Variants in CTNNA2 observed in about 807,000 individuals in gnomAD.
The protein encoded by CTNNA2 is catenin alpha 2.
Under a neutral mutation model 101.0 loss-of-function variants are expected in CTNNA2, and 42 were observed. That is an observed-to-expected ratio of 0.42 (90% confidence interval 0.32 to 0.54). The LOEUF is 0.54. CTNNA2 is among the 20% of genes least tolerant of loss of function. The pLI, the probability that CTNNA2 is intolerant of heterozygous loss-of-function variation, is 0.14. For synonymous variants in CTNNA2, 450 were observed against 456.4 expected (o/e 0.99, Z 0.18); for missense variants, 871 against 1,223.1 (o/e 0.71, Z 4.29).
chr2:80,545,507 C>A (rs567964463), intron 10 of CTNNA2, among the ~76,000 whole-genome samples: 41 of 152,264 alleles, frequency 2.7e-4, no homozygotes, highest in African/African-American at 9.1e-4. Context: ...GATTGTGCCA[C>A]TATACTCTCC....
chr2:79,416,712 C>T (rs576276562), intron 4 of CTNNA2, among the ~76,000 whole-genome samples: 6 of 152,026 alleles, frequency 3.9e-5, no homozygotes, highest in South Asian at 2.1e-4. Flanking sequence ...AACAGTTCCC[C>T]GAGAGCACAG....
At position 80,377,866 on chromosome 2, in the gene CTNNA2, A is replaced by G. The variant is rs989307381; in HGVS notation, c.1057-15345A>G. On this transcript the variant is annotated intron_variant, in intron 7 of 18. Transcript: ENST00000402739. ...TGGAATTTATCTTCCTCGGTCATCT[A>G]TGGTCCCATCTCTCATCTGTGGCCA... Among the ~76,000 whole-genome samples, 5 of 152,182 alleles carry G rather than the reference A, an allele frequency of 3.3e-5. No homozygotes were observed. The East Asian group carries it at 5.8e-4, about 18-fold the overall frequency.
chr2:80,278,085 T>G (rs890567957), intron 7 of CTNNA2, among the ~76,000 whole-genome samples: 4 of 152,138 alleles, frequency 2.6e-5, no homozygotes, highest in Non-Finnish European at 5.9e-5. Context: ...GTGTATACAT[T>G]AATTAACCAC....
chr2:79,909,537 C>T, intron 6 of CTNNA2, 57 bp from the exon 7 acceptor site: 2 of 1,447,318 alleles, frequency 1.4e-6, no homozygotes, highest in Non-Finnish European at 1.9e-6. Context: ...AAACAGGGTG[C>T]CAAGGCAGAC....
At chr2:79,306,690 A>G (rs1314785285) in intron 2 of CTNNA2, among the ~76,000 whole-genome samples, 3 of 152,222 alleles carry the variant, frequency 2.0e-5, no homozygotes, top group Admixed American at 1.3e-4. Flanking sequence ...TGAAATGTGC[A>G]TATTTAATTT....
chr2:80,082,303 G>A (rs559259975), intron 7 of CTNNA2, among the ~76,000 whole-genome samples: 1 of 152,234 alleles, frequency 6.6e-6, no homozygotes, highest in African/African-American at 2.4e-5. Context: ...AACAGACTGA[G>A]GAGGGTCAGT....
intron 1 of CTNNA2, among the ~76,000 whole-genome samples, chr2:79,189,888 G>T (rs1041604250): frequency 5.9e-5 from 9 of 152,094 alleles, no homozygotes; most frequent in African/African-American, 1.9e-4. Flanking sequence ...TTACAATAAA[G>T]AATTTTCTGA....
At position 80,360,286 on chromosome 2, in the gene CTNNA2, C is replaced by T. The variant is rs542578120; in HGVS notation, c.1057-32925C>T. Among the ~76,000 whole-genome samples, 111 of 152,120 alleles carry T rather than the reference C, an allele frequency of 7.3e-4. 1 individual carries two copies. The highest frequency in any genetic ancestry group is 1.2e-3 in the Non-Finnish European group (79 of 67,970). ...CACACAACTGATCAAAACTATTAACCATTTTGATGGATAATTATGACACAC... is the reference window on the plus strand; with the variant it reads ...CACACAACTGATCAAAACTATTAACTATTTTGATGGATAATTATGACACAC... On this transcript the variant is annotated intron_variant, in intron 7 of 18. Transcript: ENST00000402739.
In CTNNA2 at chr2:79,505,183, G is replaced by A. The variant is rs1375432826; in HGVS notation, c.-6+1G>A. 6.6e-6 allele frequency: 1 copy of A among 152,230 alleles called. No homozygotes were observed. The highest frequency in any genetic ancestry group is 1.5e-5 in the Non-Finnish European group (1 of 68,084). 9.4% of individuals were successfully genotyped at this position (152,230 alleles called of 1,614,324 possible). Reference sequence around the variant, plus strand: ...TCCCAGCAGCACAGCCTTAGCACTGGTAAGACATCTCTTCTCTTGTGGTTC... The same window carrying A: ...TCCCAGCAGCACAGCCTTAGCACTGATAAGACATCTCTTCTCTTGTGGTTC... On this transcript the variant is annotated splice_donor_variant, in intron 5 of 21. Coordinates refer to the CTNNA2 transcript ENST00000466387. LOFTEE classifies it low-confidence loss of function (5UTR_SPLICE).
Position 80,486,502 on chromosome 2 carries a change from GA to G in CTNNA2, c.1291-58473del, listed in dbSNP as rs527640759. On this transcript the variant is annotated intron_variant, in intron 9 of 18. Transcript: ENST00000402739. Reference sequence around the variant, plus strand: ...TTCATTATTAAAAATTCAATAATGAGAAAAAAATAAATAAAATGAGAGAAGG... The same window carrying G: ...TTCATTATTAAAAATTCAATAATGAGAAAAAATAAATAAAATGAGAGAAGG... Among the ~76,000 whole-genome samples, 518 of 152,140 alleles carry G rather than the reference GA, an allele frequency of 3.4e-3. 3 individuals are homozygous for G. Among genetic ancestry groups the G allele is most frequent in the African/African-American group, 0.012 (498 of 41,504 alleles).
chr2:79,678,673 C>A lies in CTNNA2; in HGVS notation c.102+27015C>A, dbSNP rs1210723936. 2.0e-5 allele frequency among the ~76,000 whole-genome samples: 3 copies of A among 152,182 alleles called. No individual in the cohort carries two copies. In the East Asian group the frequency reaches 5.8e-4, roughly 29 times the overall value. Reference sequence around the variant, plus strand: ...CATTTTGCCCCAGCTGCAGATCCCTCCCTGTCTGACTGGGCCTATATTAAG... The same window carrying A: ...CATTTTGCCCCAGCTGCAGATCCCTACCTGTCTGACTGGGCCTATATTAAG... On this transcript the variant is annotated intron_variant, in intron 2 of 18. Coordinates refer to ENST00000402739, the MANE Select transcript of CTNNA2 (RefSeq NM_001282597.3).
chr2:80,252,236 C>G (rs1553477063), intron 7 of CTNNA2, among the ~76,000 whole-genome samples: 1 of 152,096 alleles, frequency 6.6e-6, no homozygotes, highest in Non-Finnish European at 1.5e-5. Flanking sequence ...GGAACAGAAC[C>G]TTGCACATAG....
intron 13 of CTNNA2, among the ~76,000 whole-genome samples, chr2:80,581,432 T>C (rs541040625): frequency 1.3e-5 from 2 of 152,300 alleles, no homozygotes; most frequent in South Asian, 4.1e-4. Context: ...TACACAGATA[T>C]CATTTTTCTT....
chr2:79,825,729 T>C (rs1678386378), intron 3 of CTNNA2, among the ~76,000 whole-genome samples: 1 of 152,104 alleles, frequency 6.6e-6, no homozygotes, highest in South Asian at 2.1e-4. Context: ...ATAGATGATA[T>C]TTAAAGTCAT....
chr2:80,589,895 TGTGTGTGTGTGC>T (rs976214867), intron 15 of CTNNA2, among the ~76,000 whole-genome samples: 1 of 146,660 alleles, frequency 6.8e-6, no homozygotes, highest in African/African-American at 2.6e-5. Context: ...TGTGTGTGTG[TGTGTGTGTGTGC>T]GCGCGCGCGC....
At chr2:80,532,817 A>G (rs138322449) in intron 9 of CTNNA2, among the ~76,000 whole-genome samples, 2 of 152,282 alleles carry the variant, frequency 1.3e-5, no homozygotes, top group African/African-American at 4.8e-5. Context: ...AGAAGAAAAT[A>G]TGACCTTAGT....
intron 4 of CTNNA2, among the ~76,000 whole-genome samples, chr2:79,408,106 T>C (rs115904765): frequency 0.024 from 3,630 of 152,084 alleles, 70 homozygotes; most frequent in Middle Eastern, 0.044. Context: ...TCCTACTCTC[T>C]AACCTGGCAT....
At chr2:79,583,359 T>C (rs1676268461) in intron 1 of CTNNA2, among the ~76,000 whole-genome samples, 1 of 151,994 alleles carries the variant, frequency 6.6e-6, no homozygotes, top group African/African-American at 2.4e-5. Context: ...AAGTATCCAG[T>C]CATAATTAAT....
intron 3 of CTNNA2, among the ~76,000 whole-genome samples, chr2:79,849,563 T>A (rs186447985): frequency 1.3e-5 from 2 of 152,126 alleles, no homozygotes; most frequent in African/African-American, 4.8e-5. Context: ...ATAGCCACCC[T>A]GGGGTGAAAT....
Sources: gnomAD v4.1 joint callset for allele counts (sites outside exome capture counted in the v4.1 genomes callset) on GRCh38, gnomAD v4.1.1 for gene constraint, MANE v1.5 for transcripts, NCBI Gene and HGNC (gene_info 2026-07-23, HGNC 2026-07-21) for gene names.